Variants in COL23A1 observed in about 807,000 individuals in gnomAD.
COL23A1 encodes the protein collagen alpha-1(XXIII) chain.
In COL23A1, 97 loss-of-function variants were observed where a neutral mutation model predicts 99.3. The observed-to-expected ratio is 0.98, with a 90% CI of 0.83 to 1.16. COL23A1 has a LOEUF of 1.16. Ranked by LOEUF, COL23A1 falls within the 50% of genes most tolerant of loss-of-function variation. The pLI is 0.00. For synonymous variants in COL23A1, 320 were observed against 308.2 expected, an observed-to-expected ratio of 1.04 and a Z score of -0.40; for missense variants, 762 against 757.4, an observed-to-expected ratio of 1.01 and a Z score of -0.07.
chr5:178,429,026 C>T lies in COL23A1; in HGVS notation c.362-122107G>A, dbSNP rs879832756. On this transcript the variant is annotated intron_variant, in intron 2 of 28. Transcript: ENST00000390654. ...GTGCGGGTGTACCTTCTTTTCTGCT[C>T]GTGATTGGCTGGGGCACGCGACTGC... 7.2e-5 allele frequency among the ~76,000 whole-genome samples: 11 copies of T among 152,122 alleles called. No individual in the cohort carries two copies. The East Asian group carries it at 1.2e-3, about 16-fold the overall frequency.
chr5:178,397,244 A>AC (rs954015565), intron 2 of COL23A1, among the ~76,000 whole-genome samples: 32 of 152,078 alleles, frequency 2.1e-4, no homozygotes, highest in African/African-American at 5.3e-4. Flanking sequence ...CTTCGGATAC[A>AC]CCGGGGGCAG....
At chr5:178,540,914 C>A (rs1175140012) in intron 2 of COL23A1, among the ~76,000 whole-genome samples, 2 of 152,152 alleles carry the variant, frequency 1.3e-5, no homozygotes, top group Non-Finnish European at 2.9e-5. Context: ...GTGGACAGAA[C>A]AAGACCCTGT....
chr5:178,398,040 C>G (rs1034617670), intron 2 of COL23A1, among the ~76,000 whole-genome samples: 1 of 152,070 alleles, frequency 6.6e-6, no homozygotes, highest in Non-Finnish European at 1.5e-5. Context: ...TGCTGTAACA[C>G]TGCCTGGGTC....
chr5:178,561,918 C>T (rs1403763258), intron 1 of COL23A1: 3 of 329,582 alleles, frequency 9.1e-6, no homozygotes, highest in African/African-American at 4.3e-5. Context: ...CTCCAGCCAC[C>T]GGAAAGGCGC....
At chr5:178,254,845 TG>T in intron 16 of COL23A1, 103 bp downstream of exon 16, 1 of 993,950 alleles carries the variant, frequency 1.0e-6, no homozygotes, top group Non-Finnish European at 1.6e-6. Flanking sequence ...AAGCTGCCTC[TG>T]GTCCCTTGTG....
intron 2 of COL23A1, among the ~76,000 whole-genome samples, chr5:178,355,319 A>T (rs1051561214): frequency 6.6e-6 from 1 of 152,204 alleles, no homozygotes; most frequent in Non-Finnish European, 1.5e-5. Flanking sequence ...TTTTATATCA[A>T]GGACTTGAGC....
intron 1 of COL23A1, among the ~76,000 whole-genome samples, chr5:178,576,732 G>C (rs560965013): frequency 2.0e-5 from 3 of 152,124 alleles, no homozygotes; most frequent in South Asian, 4.1e-4. Context: ...CCGCGCGCCA[G>C]GCCCTGCGAA....
At chr5:178,245,023 TCATC>T (rs1280247006) in intron 25 of COL23A1, among the ~76,000 whole-genome samples, 2 of 143,710 alleles carry the variant, frequency 1.4e-5, no homozygotes, top group Admixed American at 6.9e-5. Context: ...ACTGCCATCA[TCATC>T]CATCCATCCA....
In COL23A1 at chr5:178,512,206, T is replaced by A. The variant is rs2546646; in HGVS notation, c.361+48476A>T. On this transcript the variant is annotated intron_variant, in intron 2 of 28. Coordinates refer to ENST00000390654, the MANE Select transcript of COL23A1 (RefSeq NM_173465.4). ...ACTGGTTAAACGCATTTTGGCACAC[T>A]CTTTCAATGGTCTCTTAGCATTAGT... 4.6e-5 allele frequency among the ~76,000 whole-genome samples: 7 copies of A among 152,218 alleles called. No individual in the cohort carries two copies. In the East Asian group the frequency reaches 5.8e-4, roughly 13 times the overall value.
At position 178,294,297 on chromosome 5, in the gene COL23A1, C is replaced by CCAGTGCCCCACACCTG. The variant is rs1365117439; in HGVS notation, c.407-3929_407-3928insCAGGTGTGGGGCACTG. 1.3e-3 allele frequency among the ~76,000 whole-genome samples: 113 copies of CCAGTGCCCCACACCTG among 89,440 alleles called. 1 individual carries two copies. Among genetic ancestry groups the CCAGTGCCCCACACCTG allele is most frequent in the Non-Finnish European group, 1.7e-3 (61 of 34,982 alleles). The allele number at this position is 89,440 out of a possible 152,430, so 58.7% of individuals were successfully genotyped here. ...CCCAAATCACTACCGAGCTCCCTCC[C>CCAGTGCCCCACACCTG]AAATCACTACCCAGCTCCCTCCCCA... On this transcript the variant is annotated intron_variant, in intron 3 of 28. Coordinates refer to ENST00000390654, the MANE Select transcript of COL23A1 (RefSeq NM_173465.4).
intron 1 of COL23A1, among the ~76,000 whole-genome samples, chr5:178,569,839 C>G (rs907192993): frequency 6.6e-6 from 1 of 152,198 alleles, no homozygotes; most frequent in Admixed American, 6.5e-5. Context: ...CCTCCACACC[C>G]CTTCATGCTG....
chr5:178,542,474 C>T (rs1327696108), intron 2 of COL23A1, among the ~76,000 whole-genome samples: 1 of 152,158 alleles, frequency 6.6e-6, no homozygotes, highest in Middle Eastern at 3.2e-3. Context: ...TGCCTTTCTG[C>T]CCCTGAAGGA....
rs377585635 is a variant in COL23A1, at chr5:178,247,843, G to A, written c.1213-12C>T. ...ACTATGAGCTGAGCCTAGGGAGGGT[G>A]AGAGACAGGTTAGTCACCCACCGCC... is the stretch of plus-strand genomic sequence containing the variant. On this transcript the variant is annotated splice_polypyrimidine_tract_variant and intron_variant, in intron 20 of 28. Coordinates refer to ENST00000390654, the MANE Select transcript of COL23A1 (RefSeq NM_173465.4). 1.5e-5 allele frequency: 24 copies of A among 1,610,166 alleles called. No homozygotes were observed. In the African/African-American group the frequency reaches 2.9e-4, roughly 20 times the overall value.
chr5:178,456,180 A>G (rs892179163), intron 2 of COL23A1, among the ~76,000 whole-genome samples: 2 of 152,244 alleles, frequency 1.3e-5, no homozygotes, highest in Admixed American at 6.5e-5. Flanking sequence ...TGCCACCATA[A>G]TAAGTTACAG....
intron 2 of COL23A1, among the ~76,000 whole-genome samples, chr5:178,553,893 T>A (rs1487016249): frequency 6.6e-6 from 1 of 152,218 alleles, no homozygotes; most frequent in African/African-American, 2.4e-5. Context: ...TCCCGACTGA[T>A]GGCGACGGAC....
intron 1 of COL23A1, among the ~76,000 whole-genome samples, chr5:178,580,835 C>A (rs1342200783): frequency 6.6e-6 from 1 of 152,120 alleles, no homozygotes; most frequent in Non-Finnish European, 1.5e-5. Flanking sequence ...GCCTGGTCAA[C>A]ACAGCAAGAC....
intron 5 of COL23A1, among the ~76,000 whole-genome samples, chr5:178,274,586 T>C (rs749200539): frequency 2.8e-4 from 41 of 147,678 alleles, no homozygotes; most frequent in Non-Finnish European, 5.6e-4. Context: ...GTGGGGGGGG[T>C]CTCCCCTATC....
chr5:178,499,071 C>T (rs1758386272), intron 2 of COL23A1, among the ~76,000 whole-genome samples: 1 of 152,088 alleles, frequency 6.6e-6, no homozygotes, highest in African/African-American at 2.4e-5. Flanking sequence ...GCCTCAGTGA[C>T]AGAGTGAGAT....
chr5:178,301,860 C>G (rs1035654974), intron 3 of COL23A1, among the ~76,000 whole-genome samples: 5 of 150,724 alleles, frequency 3.3e-5, no homozygotes, highest in Non-Finnish European at 7.4e-5. Context: ...AGCTTCAATG[C>G]TGCACCTCGC....
Sources: gnomAD v4.1 joint callset for allele counts (sites outside exome capture counted in the v4.1 genomes callset) on GRCh38, gnomAD v4.1.1 for gene constraint, MANE v1.5 for transcripts, NCBI Gene and HGNC (gene_info 2026-07-23, HGNC 2026-07-21) for gene names.